The following SOX5 variants were observed in gnomAD, a reference collection of about 807,000 sequenced individuals.
SOX5 encodes the protein transcription factor SOX-5.
In SOX5, 9 loss-of-function variants were observed where a neutral mutation model predicts 92.0. The observed-to-expected ratio is 0.10, with a 90% CI of 0.06 to 0.17. The LOEUF is 0.17. Ranked by LOEUF, SOX5 falls within the 10% of genes least tolerant of loss-of-function variation. The pLI is 1.00. For missense variants in SOX5, 642 were observed against 944.5 expected (o/e 0.68, Z 4.20); for synonymous variants, 344 against 336.3 (o/e 1.02, Z -0.25).
At chr12:24,546,653 G>T (rs1400518566) in intron 1 of SOX5, among the ~76,000 whole-genome samples, 5 of 152,204 alleles carry the variant, frequency 3.3e-5, no homozygotes, top group African/African-American at 1.2e-4. Context: ...TCTTAGCAAG[G>T]ACAGGTTGGT....
rs140877494 is a variant in SOX5, at chr12:23,949,603, C to T, written c.-2G>A. The T allele has an allele frequency of 4.7e-4, 760 of 1,613,704 alleles. 1 individual carries two copies. The highest frequency in any genetic ancestry group is 6.1e-4 in the Non-Finnish European group (723 of 1,179,652). On this transcript the variant is annotated 5_prime_UTR_variant, in exon 1 of 15. Transcript: ENST00000451604. ...AGGTAAATCAGGGTCAGTAAGCATG[C>T]TGGAAAAGCACAATTTCCCTTTGTC...
At chr12:24,480,936 T>C (rs1027088812) in intron 1 of SOX5, among the ~76,000 whole-genome samples, 4 of 151,062 alleles carry the variant, frequency 2.6e-5, no homozygotes, top group African/African-American at 7.3e-5. Flanking sequence ...AATCAGTATA[T>C]CAAAGAGATA....
At chr12:23,643,562 TA>T (rs2080412316) in intron 7 of SOX5, among the ~76,000 whole-genome samples, 1 of 152,094 alleles carries the variant, frequency 6.6e-6, no homozygotes, top group African/African-American at 2.4e-5. Flanking sequence ...AACCATAGAT[TA>T]AAAAGAGGTC....
chr12:23,952,219 G>A (rs1945750885), upstream of SOX5, among the ~76,000 whole-genome samples: 1 of 152,086 alleles, frequency 6.6e-6, no homozygotes, highest in Admixed American at 6.6e-5. Flanking sequence ...GAGGCGGGAG[G>A]AGAGGACGCA....
At position 23,970,841 on chromosome 12, in the gene SOX5, A is replaced by ATATATATATATATATATATTTTT; in HGVS notation, c.-1-74818_-1-74817insAAAAATATATATATATATATATA. On this transcript the variant is annotated intron_variant, in intron 4 of 4. Coordinates refer to the SOX5 transcript ENST00000446891. ...ACATGGGACTTTATATATATATATA[A>ATATATATATATATATATATTTTT]TTTTTTTTTTTTTTTAAGAAATGGG... is the stretch of plus-strand genomic sequence containing the variant. Among the ~76,000 whole-genome samples, 5 of 21,880 alleles carry ATATATATATATATATATATTTTT rather than the reference A, an allele frequency of 2.3e-4. 1 individual carries two copies. Among genetic ancestry groups the ATATATATATATATATATATTTTT allele is most frequent in the Non-Finnish European group, 3.1e-4 (3 of 9,704 alleles). 14.4% of individuals were successfully genotyped at this position (21,880 alleles called of 152,430 possible).
intron 3 of SOX5, among the ~76,000 whole-genome samples, chr12:23,791,150 G>A (rs562720298): frequency 1.6e-4 from 24 of 152,276 alleles, no homozygotes; most frequent in Non-Finnish European, 3.1e-4. Context: ...ATTACCACAG[G>A]TGTAGAAGAT....
In SOX5 at chr12:23,862,912, G is replaced by A. The variant is rs1446736498; in HGVS notation, c.271-16719C>T. Among the ~76,000 whole-genome samples the A allele has an allele frequency of 3.9e-5, 6 of 152,112 alleles. No individual in the cohort carries two copies. In the South Asian group the frequency reaches 8.3e-4, roughly 21 times the overall value. On this transcript the variant is annotated intron_variant, in intron 2 of 14. Transcript: ENST00000451604. The stretch of plus-strand genomic sequence containing the variant: ...TCTTATCCAATTCCACAGAGCCACC[G>A]ATTTTCCTAGAAGTGAATAACAGCT...
intron 4 of SOX5, among the ~76,000 whole-genome samples, chr12:24,170,215 T>C (rs553437865): frequency 5.3e-5 from 8 of 152,304 alleles, no homozygotes; most frequent in African/African-American, 1.7e-4. Flanking sequence ...AGCTCTCCTC[T>C]GCCATCCGCA....
At chr12:23,810,247 T>C (rs1242797410) in intron 3 of SOX5, among the ~76,000 whole-genome samples, 1 of 150,866 alleles carries the variant, frequency 6.6e-6, no homozygotes, top group Non-Finnish European at 1.5e-5. Context: ...AGAATATAGA[T>C]AAGTGTGGCA....
intron 4 of SOX5, among the ~76,000 whole-genome samples, chr12:24,096,416 C>T (rs541347566): frequency 2.2e-4 from 34 of 152,270 alleles, no homozygotes; most frequent in African/African-American, 7.0e-4. Context: ...ATTTACACCA[C>T]CCCAGAAGGA....
At chr12:23,999,143 T>TGTGC (rs1296182890) in intron 4 of SOX5, among the ~76,000 whole-genome samples, 154 of 149,028 alleles carry the variant, frequency 1.0e-3, no homozygotes, top group African/African-American at 3.7e-3. Flanking sequence ...AAAGACTCTG[T>TGTGC]GTGTGTGTGT....
At chr12:24,396,372 G>A (rs1959961582) in intron 1 of SOX5, among the ~76,000 whole-genome samples, 1 of 152,192 alleles carries the variant, frequency 6.6e-6, no homozygotes, top group African/African-American at 2.4e-5. Flanking sequence ...TGTGACTGGA[G>A]CACACAGAAA....
At chr12:23,951,643 A>T (rs368272538), upstream of SOX5, among the ~76,000 whole-genome samples, 2 of 83,278 alleles carry the variant, frequency 2.4e-5, no homozygotes, top group African/African-American at 8.2e-5. Context: ...ATGTTCTAAA[A>T]ATATATATAT....
chr12:23,727,010 G>A (rs1043250469), intron 6 of SOX5, among the ~76,000 whole-genome samples: 1 of 152,032 alleles, frequency 6.6e-6, no homozygotes, highest in Admixed American at 6.6e-5. Flanking sequence ...TGCAAAGATT[G>A]TAGAAGAAAG....
At chr12:23,873,848 T>C (rs2096899929) in intron 2 of SOX5, among the ~76,000 whole-genome samples, 1 of 152,220 alleles carries the variant, frequency 6.6e-6, no homozygotes, top group Non-Finnish European at 1.5e-5. Context: ...CACATGTGGT[T>C]AACTGGTCAT....
intron 11 of SOX5, among the ~76,000 whole-genome samples, chr12:23,559,805 CT>C (rs1482545849): frequency 6.6e-6 from 1 of 152,138 alleles, no homozygotes; most frequent in Non-Finnish European, 1.5e-5. Context: ...GGCTGAACTT[CT>C]TTTCTTTTTT....
chr12:23,972,658 C>G (rs1489825557), intron 4 of SOX5, among the ~76,000 whole-genome samples: 2 of 151,922 alleles, frequency 1.3e-5, no homozygotes, highest in Non-Finnish European at 2.9e-5. Flanking sequence ...TGCGCCAGGC[C>G]CTTTTTATGT....
intron 4 of SOX5, among the ~76,000 whole-genome samples, chr12:23,752,814 T>C (rs550635775): frequency 1.3e-5 from 2 of 152,018 alleles, no homozygotes; most frequent in East Asian, 1.9e-4. Context: ...AATCAGTTTA[T>C]AGCATATATT....
rs1309427474 is a variant in SOX5, at chr12:23,534,271, T to G, written c.2240A>C (p.Asp747Ala). Residue 747 changes from aspartate (D) to alanine (A), a missense_variant, in exon 15 of 15, where the codon GAT becomes GCT. Asp to Ala is a moderately radical substitution (Grantham distance 126). Coordinates refer to ENST00000451604, the MANE Select transcript of SOX5 (RefSeq NM_006940.6). ...DEYDEEEDDP[D>A]VDYGSDSENH... The stretch of plus-strand genomic sequence containing the variant: ...TTCACTGTCACTCCCATAATCTACA[T>G]CTGGATCATCCTCTTCCTCGTCGTA... 1 of 1,614,154 alleles carries G rather than the reference T, an allele frequency of 6.2e-7. No homozygotes were observed.
Sources: gnomAD v4.1 joint callset for allele counts (sites outside exome capture counted in the v4.1 genomes callset) on GRCh38, gnomAD v4.1.1 for gene constraint, MANE v1.5 for transcripts, NCBI Gene and HGNC (gene_info 2026-07-23, HGNC 2026-07-21) for gene names.